The following SCHIP1 variants were observed in gnomAD, a reference collection of about 807,000 sequenced individuals.
The protein encoded by SCHIP1 is schwannomin interacting protein 1.
A neutral mutation model predicts 29.7 loss-of-function variants in SCHIP1; 8 were observed. The observed-to-expected ratio is 0.27, with a 90% confidence interval of 0.16 to 0.49. The LOEUF (loss-of-function observed/expected upper bound fraction) is 0.49, where lower values mean the gene tolerates loss of function less well. Among genes scored for constraint, SCHIP1 ranks in the 20% least tolerant of loss-of-function variants. SCHIP1 has a pLI of 0.99. For synonymous variants in SCHIP1, 76 were observed against 94.9 expected (o/e 0.80, Z 1.16); for missense variants, 193 against 294.6 (o/e 0.66, Z 2.52).
At chr3:159,301,729 C>G in the SCHIP1 span, among the ~76,000 whole-genome samples, 1 of 152,170 alleles carries the variant, frequency 6.6e-6, no homozygotes, top group Non-Finnish European at 1.5e-5. Flanking sequence ...GCCTTGCTTC[C>G]CCTTTGCCTT....
chr3:159,473,976 T>C, the SCHIP1 span, among the ~76,000 whole-genome samples: 1 of 152,092 alleles, frequency 6.6e-6, no homozygotes. Context: ...GTGAGGATAG[T>C]TTTTCATTCC....
intron 1 of SCHIP1, among the ~76,000 whole-genome samples, chr3:159,845,084 C>A (rs999526048): frequency 1.3e-5 from 2 of 152,154 alleles, no homozygotes; most frequent in African/African-American, 4.8e-5. Context: ...TTGTTTCTGA[C>A]CCCTAGGCAG....
At chr3:159,732,001 G>A in the SCHIP1 span, among the ~76,000 whole-genome samples, 1 of 152,054 alleles carries the variant, frequency 6.6e-6, no homozygotes, top group African/African-American at 2.4e-5. Context: ...AACACACCTG[G>A]CTAATTTTTG....
chr3:159,467,508 AT>A, the SCHIP1 span, among the ~76,000 whole-genome samples: 7 of 152,138 alleles, frequency 4.6e-5, no homozygotes, highest in African/African-American at 1.4e-4. Context: ...AAAAAAAAAA[AT>A]AAAAAGAACT....
At chr3:159,638,807 G>A in the SCHIP1 span, among the ~76,000 whole-genome samples, 2 of 151,732 alleles carry the variant, frequency 1.3e-5, no homozygotes, top group Non-Finnish European at 2.9e-5. Context: ...ATATGCATAC[G>A]TATTTATGAA....
At chr3:159,829,560 G>C in the SCHIP1 span, among the ~76,000 whole-genome samples, 4 of 152,144 alleles carry the variant, frequency 2.6e-5, no homozygotes, top group African/African-American at 9.7e-5. Flanking sequence ...CTCATAATCT[G>C]TGCAAAGTAT....
chr3:159,425,127 C>T, the SCHIP1 span, among the ~76,000 whole-genome samples: 1 of 151,780 alleles, frequency 6.6e-6, no homozygotes, highest in Non-Finnish European at 1.5e-5. Context: ...GAAGAAACTG[C>T]ATCAACTAAC....
the SCHIP1 span, among the ~76,000 whole-genome samples, chr3:159,482,525 G>A: frequency 6.6e-6 from 1 of 152,042 alleles, no homozygotes; most frequent in Non-Finnish European, 1.5e-5. Flanking sequence ...CTGATCTAAA[G>A]GTACTAATTA....
the SCHIP1 span, among the ~76,000 whole-genome samples, chr3:159,799,166 G>A: frequency 5.3e-5 from 8 of 152,090 alleles, no homozygotes; most frequent in Non-Finnish European, 8.8e-5. Context: ...TGCAAATTTC[G>A]TCTCCTCAGA....
the SCHIP1 span, among the ~76,000 whole-genome samples, chr3:159,578,635 T>C: frequency 6.6e-6 from 1 of 152,180 alleles, no homozygotes; most frequent in African/African-American, 2.4e-5. Context: ...AAAGACTCTT[T>C]CCTTACTTTT....
the SCHIP1 span, among the ~76,000 whole-genome samples, chr3:159,802,945 C>G: frequency 2.2e-4 from 33 of 152,208 alleles, no homozygotes; most frequent in South Asian, 6.0e-3. Flanking sequence ...CAAGTTGGCT[C>G]CTTAAAGACC....
the SCHIP1 span, among the ~76,000 whole-genome samples, chr3:159,609,349 G>A: frequency 2.6e-5 from 4 of 152,212 alleles, no homozygotes; most frequent in Middle Eastern, 3.4e-3. Flanking sequence ...CATGAGGTAC[G>A]TAGAAGGGAA....
At chr3:159,683,211 C>T in the SCHIP1 span, among the ~76,000 whole-genome samples, 839 of 152,102 alleles carry the variant, frequency 5.5e-3, 11 homozygotes, top group Admixed American at 0.024. Context: ...CCACCAGGCC[C>T]GACTCATTTT....
chr3:159,382,515 T>C, the SCHIP1 span, among the ~76,000 whole-genome samples: 7 of 152,222 alleles, frequency 4.6e-5, no homozygotes, highest in African/African-American at 7.2e-5. Flanking sequence ...CATTGTTGGA[T>C]ATTTGGGTTG....
the SCHIP1 span, among the ~76,000 whole-genome samples, chr3:159,639,214 TTCATC>T: frequency 6.6e-6 from 1 of 152,130 alleles, no homozygotes; most frequent in Non-Finnish European, 1.5e-5. Flanking sequence ...AAATTATTGA[TTCATC>T]TCAGCTCTCC....
chr3:159,682,370 T>C, the SCHIP1 span, among the ~76,000 whole-genome samples: 3 of 152,176 alleles, frequency 2.0e-5, no homozygotes, highest in Non-Finnish European at 4.4e-5. Flanking sequence ...AGAAAAGGGC[T>C]CAGCTTCAAC....
At chr3:159,853,150 C>T in intron 1 of SCHIP1, 1 of 408,588 alleles carries the variant, frequency 2.4e-6, no homozygotes. Context: ...GCAGAGTGAG[C>T]CTCAGAAAAC....
the SCHIP1 span, among the ~76,000 whole-genome samples, chr3:159,491,474 G>A: frequency 2.0e-5 from 3 of 152,218 alleles, no homozygotes; most frequent in Non-Finnish European, 4.4e-5. Context: ...ACCTGGCTTG[G>A]AGGGTCCTAG....
chr3:159,882,727 C>G (rs144763596), intron 2 of SCHIP1, among the ~76,000 whole-genome samples: 2 of 152,210 alleles, frequency 1.3e-5, no homozygotes, highest in Non-Finnish European at 2.9e-5. Flanking sequence ...AAAAACTTTT[C>G]GTCTCTGCCA....
Sources: gnomAD v4.1 joint callset for allele counts (sites outside exome capture counted in the v4.1 genomes callset) on GRCh38, gnomAD v4.1.1 for gene constraint, MANE v1.5 for transcripts, NCBI Gene and HGNC (gene_info 2026-07-23, HGNC 2026-07-21) for gene names.